The following SKI variants were observed in gnomAD, a reference collection of about 807,000 sequenced individuals.
SKI encodes the protein ski oncogene.
In SKI, 23 loss-of-function variants were observed where a neutral mutation model predicts 59.3. The observed-to-expected ratio is 0.39, with a 90% CI of 0.28 to 0.55. SKI has a LOEUF of 0.55. Ranked by LOEUF, SKI falls within the 20% of genes least tolerant of loss-of-function variation. SKI has a pLI of 0.67. For missense variants in SKI, 1,017 were observed against 1,038.9 expected, an observed-to-expected ratio of 0.98 and a Z score of 0.29; for synonymous variants, 673 against 488.6, an observed-to-expected ratio of 1.38 and a Z score of -4.98.
At chr1:2,233,234 T>TGG (rs367594233) in intron 1 of SKI, among the ~76,000 whole-genome samples, 2 of 77,050 alleles carry the variant, frequency 2.6e-5, no homozygotes, top group Admixed American at 1.4e-4. Context: ...ACAGGGCTGG[T>TGG]GGGGGGGGTC....
chr1:2,304,623 G>A (rs534115343), intron 5 of SKI, 38 bp downstream of exon 5: 225 of 1,521,682 alleles, frequency 1.5e-4, no homozygotes, highest in Middle Eastern at 1.9e-4. Context: ...TCCAGGGCAC[G>A]GGCAGTGAGC....
chr1:2,300,421 G>C (rs1640396346), intron 1 of SKI, among the ~76,000 whole-genome samples: 1 of 151,738 alleles, frequency 6.6e-6, no homozygotes, highest in Non-Finnish European at 1.5e-5. Flanking sequence ...GAGGCAAGCG[G>C]TCGTAGCTGC....
At chr1:2,241,542 G>A (rs897117338) in intron 1 of SKI, among the ~76,000 whole-genome samples, 1 of 152,090 alleles carries the variant, frequency 6.6e-6, no homozygotes, top group African/African-American at 2.4e-5. Flanking sequence ...ACAGGTGCCC[G>A]CCACCGTGCC....
intron 1 of SKI, among the ~76,000 whole-genome samples, chr1:2,280,641 CAG>C: frequency 7.4e-6 from 1 of 135,898 alleles, no homozygotes; most frequent in Non-Finnish European, 1.6e-5. Context: ...CGGCGATCTT[CAG>C]AGAGAGGACA....
At chr1:2,282,790 C>G (rs1395753448) in intron 1 of SKI, among the ~76,000 whole-genome samples, 1 of 151,450 alleles carries the variant, frequency 6.6e-6, no homozygotes, top group Admixed American at 6.6e-5. Flanking sequence ...GGGCGCCAGT[C>G]CTGTCCTTGG....
chr1:2,234,677 G>A (rs1439557127), intron 1 of SKI, among the ~76,000 whole-genome samples: 1 of 152,220 alleles, frequency 6.6e-6, no homozygotes, highest in Non-Finnish European at 1.5e-5. Flanking sequence ...CCGGCGGCCC[G>A]GCTCTCTGTG....
At chr1:2,245,745 G>A (rs1638979523) in intron 1 of SKI, among the ~76,000 whole-genome samples, 1 of 148,466 alleles carries the variant, frequency 6.7e-6, no homozygotes, top group Admixed American at 6.8e-5. Flanking sequence ...TAAAGTGCTG[G>A]GATTACAAGC....
intron 1 of SKI, among the ~76,000 whole-genome samples, chr1:2,286,289 C>T (rs1180607389): frequency 6.6e-6 from 1 of 152,098 alleles, no homozygotes; most frequent in Non-Finnish European, 1.5e-5. Flanking sequence ...ATCACTTGAG[C>T]CCAGGAGACC....
intron 1 of SKI, among the ~76,000 whole-genome samples, chr1:2,294,491 G>C (rs544023684): frequency 7.5e-4 from 114 of 152,322 alleles, no homozygotes; most frequent in African/African-American, 2.6e-3. Context: ...GACCTCTCTG[G>C]CAGGAAGAAG....
chr1:2,283,992 C>T lies in SKI; in HGVS notation c.970-18986C>T, dbSNP rs543377447. On this transcript the variant is annotated intron_variant, in intron 1 of 6. Transcript: ENST00000378536. The stretch of plus-strand genomic sequence containing the variant: ...AGCTGCTGTCTGCCCGCAGCTAGTG[C>T]CCTGTTAGCAGGTGCAGTGCCCGTG... Among the ~76,000 whole-genome samples the T allele has an allele frequency of 7.9e-5, 12 of 152,270 alleles. No individual in the cohort carries two copies. The East Asian group carries it at 2.3e-3, about 29-fold the overall frequency.
At position 2,303,054 on chromosome 1, in the gene SKI, A is replaced by C; in HGVS notation, c.1046A>C (p.Lys349Thr). 1.2e-6 allele frequency: 2 copies of C among 1,613,630 alleles called. No homozygotes were observed. The highest frequency in any genetic ancestry group is 2.2e-5 in the South Asian group (2 of 91,080). ...TSSQSPAPSE[K>T]DKPSSWLRTL... ...TCCCAGTCCCCCGCGCCTTCCGAAA[A>C]GGACAAGCCGTCCAGCTGGCTGCGG... Residue 349 changes from lysine to threonine, a missense_variant, in exon 2 of 7, where the codon AAG (lysine) becomes ACG (threonine). Physicochemically the swap from Lys to Thr is moderately conservative, Grantham distance 78. Coordinates refer to ENST00000378536, the MANE Select transcript of SKI (RefSeq NM_003036.4). The surrounding 1 kb of genome is among the most constrained non-coding windows in gnomAD (Gnocchi z 5.6).
chr1:2,245,807 T>C (rs1282906451), intron 1 of SKI, among the ~76,000 whole-genome samples: 3 of 136,890 alleles, frequency 2.2e-5, no homozygotes, highest in Admixed American at 7.4e-5. Flanking sequence ...TTTTTTTTTT[T>C]TTTTTTTGAG....
intron 1 of SKI, among the ~76,000 whole-genome samples, chr1:2,277,886 A>G (rs1473299643): frequency 6.6e-6 from 1 of 151,716 alleles, no homozygotes. Flanking sequence ...CCGTGGGCGC[A>G]CACACCTGCA....
At chr1:2,233,376 C>T (rs998214387) in intron 1 of SKI, among the ~76,000 whole-genome samples, 2 of 152,136 alleles carry the variant, frequency 1.3e-5, no homozygotes, top group Admixed American at 6.5e-5. Flanking sequence ...CTGTTCTTCA[C>T]CTGCCACGTG....
rs896868895 is a variant in SKI at position 2,270,284 on chromosome 1, C to T, written c.970-32694C>T. ...GACCTGCTGCGTGTTATCCTCCCTG[C>T]GGGCCTGGCATGGGAGTAGGGGCTG... On this transcript the variant is annotated intron_variant, in intron 1 of 6. Transcript: ENST00000378536. The surrounding 1 kb of genome is among the most constrained non-coding windows in gnomAD (Gnocchi z 4.1). 2.6e-5 allele frequency among the ~76,000 whole-genome samples: 4 copies of T among 152,170 alleles called. No individual in the cohort carries two copies. Among genetic ancestry groups the T allele is most frequent in the African/African-American group, 9.6e-5 (4 of 41,452 alleles).
chr1:2,271,075 G>A lies in SKI; in HGVS notation c.970-31903G>A, dbSNP rs147677343. Among the ~76,000 whole-genome samples, 17 of 152,276 alleles carry A rather than the reference G, an allele frequency of 1.1e-4. No individual in the cohort carries two copies. In the East Asian group the frequency reaches 3.1e-3, roughly 28 times the overall value. On this transcript the variant is annotated intron_variant, in intron 1 of 6. Transcript: ENST00000378536. Reference sequence around the variant, plus strand: ...GTCTGTGGGGGTTGGAGGGATGCGCGACTTGGGCCCACCCCAGAACTTGGG... The same window carrying A: ...GTCTGTGGGGGTTGGAGGGATGCGCAACTTGGGCCCACCCCAGAACTTGGG...
chr1:2,269,710 G>C lies in SKI; in HGVS notation c.970-33268G>C, dbSNP rs1041948406. On this transcript the variant is annotated intron_variant, in intron 1 of 6. Transcript: ENST00000378536. The surrounding 1 kb of genome is among the most constrained non-coding windows in gnomAD (Gnocchi z 4.7). ...TGGGCACCAGGGACAGTGGGGACGT[G>C]GCTGTGCACCGGGCCCAGGGCTGGC... Among the ~76,000 whole-genome samples, 20 of 152,266 alleles carry C rather than the reference G, an allele frequency of 1.3e-4. No individual in the cohort carries two copies. The highest frequency in any genetic ancestry group is 4.8e-4 in the African/African-American group (20 of 41,474).
intron 1 of SKI, among the ~76,000 whole-genome samples, chr1:2,246,506 T>C (rs1638999095): frequency 6.6e-6 from 1 of 152,188 alleles, no homozygotes; most frequent in South Asian, 2.1e-4. Context: ...GGAGGCTGCC[T>C]CTGTCCTCTG....
chr1:2,259,560 G>A (rs1371175199), intron 1 of SKI, among the ~76,000 whole-genome samples: 1 of 152,066 alleles, frequency 6.6e-6, no homozygotes, highest in East Asian at 1.9e-4. Context: ...GGCTTTTTGA[G>A]GCATAATTAA....
Sources: allele counts gnomAD v4.1 joint callset (sites outside exome capture counted in the v4.1 genomes callset), GRCh38; gene constraint gnomAD v4.1.1; non-coding constraint Gnocchi (gnomAD v3.1); transcripts MANE v1.5; gene names NCBI Gene and HGNC (gene_info 2026-07-23, HGNC 2026-07-21).